The following C14orf132 variants were observed in gnomAD, a reference collection of about 807,000 sequenced individuals.
C14orf132 encodes the protein chromosome 14 open reading frame 132, also known as uncharacterized protein C14orf132.
Under a neutral mutation model 5.8 loss-of-function variants are expected in C14orf132, and 6 were observed. The observed-to-expected ratio is 1.03, with a 90% confidence interval of 0.57 to 2.04. The LOEUF (loss-of-function observed/expected upper bound fraction) is 2.04. Ranked by LOEUF, C14orf132 falls within the 30% of genes most tolerant of loss-of-function variation. The pLI is 0.00. For synonymous variants in C14orf132, 51 were observed against 49.8 expected, an observed-to-expected ratio of 1.02 and a Z score of -0.10; for missense variants, 125 against 115.8, an observed-to-expected ratio of 1.08 and a Z score of -0.37.
At chr14:96,065,289 A>G (rs1027213090) in intron 1 of C14orf132, among the ~76,000 whole-genome samples, 1 of 152,046 alleles carries the variant, frequency 6.6e-6, no homozygotes, top group African/African-American at 2.4e-5. Context: ...GCATTTTAGA[A>G]CGTCCTCCTG....
At chr14:96,066,122 C>A (rs1887520809) in intron 1 of C14orf132, among the ~76,000 whole-genome samples, 1 of 152,124 alleles carries the variant, frequency 6.6e-6, no homozygotes, top group Non-Finnish European at 1.5e-5. Flanking sequence ...CTCAAACAGG[C>A]CTTGGCTGTT....
intron 1 of C14orf132, among the ~76,000 whole-genome samples, chr14:96,071,164 A>C (rs2139669935): frequency 6.6e-6 from 1 of 152,288 alleles, no homozygotes; most frequent in East Asian, 1.9e-4. Flanking sequence ...AGGGGAAGCA[A>C]ACACGTTTTT....
At chr14:96,074,450 C>G (rs1186786533) in intron 1 of C14orf132, among the ~76,000 whole-genome samples, 1 of 151,998 alleles carries the variant, frequency 6.6e-6, no homozygotes, top group Non-Finnish European at 1.5e-5. Flanking sequence ...CATAAGATTA[C>G]AGACATTTTT....
At chr14:96,065,088 G>A (rs773325840) in intron 1 of C14orf132, among the ~76,000 whole-genome samples, 32 of 152,172 alleles carry the variant, frequency 2.1e-4, no homozygotes, top group African/African-American at 7.0e-4. Flanking sequence ...TGTAGCGGTC[G>A]GGGGAGTTTT....
chr14:96,078,868 C>T (rs1171853831), intron 1 of C14orf132, among the ~76,000 whole-genome samples: 7 of 152,234 alleles, frequency 4.6e-5, no homozygotes, highest in Non-Finnish European at 8.8e-5. Flanking sequence ...TAAGAGTCCA[C>T]AAATGGGAAA....
At chr14:96,079,772 A>C (rs1887976415) in intron 1 of C14orf132, among the ~76,000 whole-genome samples, 1 of 152,224 alleles carries the variant, frequency 6.6e-6, no homozygotes, top group African/African-American at 2.4e-5. Flanking sequence ...TAGGTCCCCC[A>C]GAGAGCCTGG....
chr14:96,052,436 A>C (rs1887056870), intron 1 of C14orf132, among the ~76,000 whole-genome samples: 1 of 152,230 alleles, frequency 6.6e-6, no homozygotes, highest in African/African-American at 2.4e-5. Flanking sequence ...CAAGCAGCTC[A>C]CCATCAGGGC....
At chr14:96,066,847 T>A (rs1407724901) in intron 1 of C14orf132, among the ~76,000 whole-genome samples, 2 of 152,184 alleles carry the variant, frequency 1.3e-5, no homozygotes, top group African/African-American at 2.4e-5. Flanking sequence ...ATGTAATAAA[T>A]ATTTTGTCAG....
intron 1 of C14orf132, among the ~76,000 whole-genome samples, chr14:96,069,482 G>T (rs1179930594): frequency 6.6e-6 from 1 of 152,000 alleles, no homozygotes; most frequent in Non-Finnish European, 1.5e-5. Flanking sequence ...ATACCTGTGT[G>T]GTGGGAAGAC....
At chr14:96,046,377 C>T (rs1390688028) in intron 1 of C14orf132, among the ~76,000 whole-genome samples, 1 of 152,150 alleles carries the variant, frequency 6.6e-6, no homozygotes, top group Non-Finnish European at 1.5e-5. Context: ...CTAGACTAAA[C>T]AAGGGTGTGT....
intron 1 of C14orf132, among the ~76,000 whole-genome samples, chr14:96,042,583 C>T (rs1039611064): frequency 3.3e-5 from 5 of 152,198 alleles, no homozygotes; most frequent in Admixed American, 2.6e-4. Flanking sequence ...ACACATAAGC[C>T]ATTTTAGAAA....
intron 1 of C14orf132, among the ~76,000 whole-genome samples, chr14:96,073,599 C>T (rs1039146870): frequency 1.3e-5 from 2 of 152,184 alleles, no homozygotes; most frequent in Non-Finnish European, 2.9e-5. Context: ...TGTAAATTAG[C>T]TCAACCGTTT....
intron 1 of C14orf132, among the ~76,000 whole-genome samples, chr14:96,061,683 G>C (rs889589549): frequency 1.3e-5 from 2 of 152,142 alleles, no homozygotes; most frequent in Non-Finnish European, 2.9e-5. Context: ...TCAGCACTTT[G>C]GGAGGCTGAG....
chr14:96,061,184 G>A (rs78858688), intron 1 of C14orf132, among the ~76,000 whole-genome samples: 1,907 of 152,256 alleles, frequency 0.013, 31 homozygotes, highest in Admixed American at 0.039. Flanking sequence ...AGTCCTCACA[G>A]CACCTCAGGG....
At chr14:96,085,170 T>G (rs773004953) in intron 1 of C14orf132, among the ~76,000 whole-genome samples, 23 of 152,222 alleles carry the variant, frequency 1.5e-4, no homozygotes, top group Non-Finnish European at 3.1e-4. Flanking sequence ...CCAGGATTGT[T>G]GAGTGATTGA....
intron 1 of C14orf132, among the ~76,000 whole-genome samples, chr14:96,047,329 A>G (rs778407710): frequency 9.9e-5 from 15 of 152,202 alleles, no homozygotes; most frequent in Non-Finnish European, 2.2e-4. Flanking sequence ...TCACAAAGCT[A>G]AGAGAACTGG....
chr14:96,085,600 G>A (rs1376027933), intron 1 of C14orf132, among the ~76,000 whole-genome samples: 1 of 152,214 alleles, frequency 6.6e-6, no homozygotes, highest in Non-Finnish European at 1.5e-5. Flanking sequence ...GATGTGCGGC[G>A]TGGGCGGTGG....
At chr14:96,049,472 A>G (rs960404635) in intron 1 of C14orf132, among the ~76,000 whole-genome samples, 4 of 146,576 alleles carry the variant, frequency 2.7e-5, no homozygotes, top group Admixed American at 6.9e-5. Context: ...ATATATATAT[A>G]TGTGTATATA....
At position 96,066,051 on chromosome 14, in the gene C14orf132, A is replaced by C. The variant is rs987811650; in HGVS notation, c.28-20460A>C. Among the ~76,000 whole-genome samples the C allele has an allele frequency of 2.6e-5, 4 of 152,006 alleles. No homozygotes were observed. In the East Asian group the frequency reaches 7.7e-4, roughly 29 times the overall value. ...GCACAGCCTCCTCCCCCTTATCCCC[A>C]CCTCAGGAAGCCACAGCCACGTGGA... On this transcript the variant is annotated intron_variant, in intron 1 of 1. Coordinates refer to ENST00000555004, the MANE Select transcript of C14orf132 (RefSeq NM_001252507.3).
Sources: gnomAD v4.1 joint callset for allele counts (sites outside exome capture counted in the v4.1 genomes callset) on GRCh38, gnomAD v4.1.1 for gene constraint, MANE v1.5 for transcripts, NCBI Gene and HGNC (gene_info 2026-07-23, HGNC 2026-07-21) for gene names.